The following APP variants were observed in gnomAD, a reference collection of about 807,000 sequenced individuals.
APP encodes the protein amyloid beta precursor protein, also known as amyloid-beta precursor protein.
A neutral mutation model predicts 101.4 loss-of-function variants in APP; 31 were observed. The ratio of observed to expected loss-of-function variants is 0.31; its 90% confidence interval spans 0.23 to 0.41. The LOEUF (loss-of-function observed/expected upper bound fraction) is 0.41. Among genes scored for constraint, APP ranks in the 10% least tolerant of loss-of-function variants. The pLI is 1.00. For missense variants in APP, 839 were observed against 1,003.7 expected, an observed-to-expected ratio of 0.84 and a Z score of 2.22; for synonymous variants, 366 against 364.4, an observed-to-expected ratio of 1.00 and a Z score of -0.05.
intron 13 of APP, among the ~76,000 whole-genome samples, chr21:25,923,682 TATC>T (rs2039734820): frequency 7.3e-6 from 1 of 137,328 alleles, no homozygotes; most frequent in African/African-American, 2.8e-5. Context: ...CACTATGAGA[TATC>T]ATCTCACACC....
chr21:26,076,739 A>AC (rs1452332539), intron 3 of APP, among the ~76,000 whole-genome samples: 2 of 152,226 alleles, frequency 1.3e-5, no homozygotes, highest in African/African-American at 4.8e-5. Context: ...GACGCCTTTA[A>AC]CAGTAACTTG....
At position 26,150,273 on chromosome 21, in the gene APP, T is replaced by C. The variant is rs1214679103; in HGVS notation, c.57+20291A>G. Among the ~76,000 whole-genome samples the C allele has an allele frequency of 3.3e-5, 5 of 152,190 alleles. No homozygotes were observed. In the East Asian group the frequency reaches 9.7e-4, roughly 29 times the overall value. Reference sequence around the variant, plus strand: ...AAGGTAAATATATGGGGGAAACTAATAGAAGATAAGGGTTATTTCAATAAG... The same window carrying C: ...AAGGTAAATATATGGGGGAAACTAACAGAAGATAAGGGTTATTTCAATAAG... On this transcript the variant is annotated intron_variant, in intron 1 of 17. Coordinates refer to ENST00000346798, the MANE Select transcript of APP (RefSeq NM_000484.4).
intron 9 of APP, among the ~76,000 whole-genome samples, chr21:25,980,537 C>T (rs2146594016): frequency 6.6e-6 from 1 of 152,238 alleles, no homozygotes; most frequent in East Asian, 1.9e-4. Context: ...AGGTTTTCAT[C>T]GTGGGCAGCC....
At chr21:25,902,802 G>A (rs1197360106) in intron 15 of APP, among the ~76,000 whole-genome samples, 1 of 152,136 alleles carries the variant, frequency 6.6e-6, no homozygotes, top group Non-Finnish European at 1.5e-5. Flanking sequence ...TTCCAAATAT[G>A]CAAAATTCCT....
chr21:26,012,270 A>G (rs1467095355), intron 6 of APP, among the ~76,000 whole-genome samples: 4 of 152,042 alleles, frequency 2.6e-5, no homozygotes, highest in Non-Finnish European at 5.9e-5. Flanking sequence ...AAGTGCTGGG[A>G]TAACAGGTGT....
chr21:26,163,766 C>G (rs2063548731), intron 1 of APP, among the ~76,000 whole-genome samples: 1 of 152,184 alleles, frequency 6.6e-6, no homozygotes, highest in Admixed American at 6.5e-5. Context: ...CATCATTTAA[C>G]CACAGTATCA....
intron 6 of APP, among the ~76,000 whole-genome samples, chr21:26,008,133 C>T (rs553038763): frequency 2.0e-5 from 3 of 152,244 alleles, no homozygotes; most frequent in Admixed American, 1.3e-4. Flanking sequence ...TACTGAATTG[C>T]GTTAATTCTC....
intron 2 of APP, among the ~76,000 whole-genome samples, chr21:26,096,666 A>G (rs143167781): frequency 6.5e-4 from 99 of 152,292 alleles, no homozygotes; most frequent in African/African-American, 2.1e-3. Flanking sequence ...AGTCCCAGCT[A>G]CTCGGGAGGC....
chr21:26,139,796 GGGA>G (rs1178116273), intron 1 of APP, among the ~76,000 whole-genome samples: 3 of 152,168 alleles, frequency 2.0e-5, no homozygotes, highest in Non-Finnish European at 4.4e-5. Flanking sequence ...AGGAGGCTGA[GGGA>G]GGAGAATTGC....
rs201470897 is a variant in APP, at chr21:26,000,198, G to T, written c.866-16C>A. On this transcript the variant is annotated splice_polypyrimidine_tract_variant and intron_variant, in intron 6 of 17. Coordinates refer to ENST00000346798, the MANE Select transcript of APP (RefSeq NM_000484.4). ...GAGCACACCTCTAATCAGAGGAGAT[G>T]TGGGGAACCACATTTAGCATGAAAA... is the stretch of plus-strand genomic sequence containing the variant. 63 of 1,613,986 alleles carry T rather than the reference G, an allele frequency of 3.9e-5. No individual in the cohort carries two copies. The Admixed American group carries it at 4.3e-4, about 11-fold the overall frequency.
At chr21:25,992,995 CTG>C (rs2042926929) in intron 8 of APP, among the ~76,000 whole-genome samples, 1 of 152,206 alleles carries the variant, frequency 6.6e-6, no homozygotes, top group Non-Finnish European at 1.5e-5. Flanking sequence ...ATTCAGACTT[CTG>C]TCTTATGGCT....
chr21:25,975,258 G>A (rs775635686), intron 10 of APP, 30 bp from the exon 11 acceptor site: 1 of 1,613,976 alleles, frequency 6.2e-7, no homozygotes, highest in Non-Finnish European at 8.5e-7. Flanking sequence ...TGTCCATGGG[G>A]ACTGAATAAG....
chr21:26,103,209 A>C (rs181957716), intron 2 of APP, among the ~76,000 whole-genome samples: 7 of 152,336 alleles, frequency 4.6e-5, no homozygotes, highest in South Asian at 2.1e-4. Context: ...TTTACTATTG[A>C]ATTATCATGG....
At chr21:26,040,642 AC>A (rs1157113295) in intron 5 of APP, among the ~76,000 whole-genome samples, 3 of 149,006 alleles carry the variant, frequency 2.0e-5, no homozygotes, top group African/African-American at 7.4e-5. Context: ...GGAAGCAGGC[AC>A]CTGTAATCCT....
chr21:25,891,501 G>A (rs2037692810), intron 17 of APP, among the ~76,000 whole-genome samples: 2 of 152,056 alleles, frequency 1.3e-5, no homozygotes, highest in Admixed American at 6.6e-5. Context: ...ATTGTAAGTT[G>A]AGATAACAAC....
intron 8 of APP, among the ~76,000 whole-genome samples, chr21:25,995,643 A>T (rs1468587970): frequency 6.6e-6 from 1 of 152,220 alleles, no homozygotes; most frequent in African/African-American, 2.4e-5. Context: ...ATGCGTACCT[A>T]TGTCAACACT....
chr21:26,083,794 T>C (rs1326777336), intron 3 of APP, among the ~76,000 whole-genome samples: 1 of 152,202 alleles, frequency 6.6e-6, no homozygotes, highest in African/African-American at 2.4e-5. Flanking sequence ...AGCCCACTCA[T>C]AAGCCATAAC....
intron 2 of APP, among the ~76,000 whole-genome samples, chr21:26,094,032 C>A (rs755986828): frequency 4.0e-5 from 6 of 151,022 alleles, no homozygotes; most frequent in Non-Finnish European, 7.4e-5. Context: ...AGGAGAATCG[C>A]AGGAACCCAG....
intron 8 of APP, among the ~76,000 whole-genome samples, chr21:25,991,219 A>C (rs1284530550): frequency 8.9e-5 from 2 of 22,488 alleles, no homozygotes; most frequent in East Asian, 2.8e-3. Flanking sequence ...TACAATGTAC[A>C]CTACTCAGTG....
Sources: allele counts gnomAD v4.1 joint callset (sites outside exome capture counted in the v4.1 genomes callset), GRCh38; gene constraint gnomAD v4.1.1; transcripts MANE v1.5; gene names NCBI Gene and HGNC (gene_info 2026-07-23, HGNC 2026-07-21).